Variants in MYO15B observed in about 807,000 individuals in gnomAD.
MYO15B encodes myosin XVB pseudogene.
Under a neutral mutation model 119.3 loss-of-function variants are expected in MYO15B, and 207 were observed. That is an observed-to-expected ratio of 1.73 (90% CI 1.55 to 1.95). MYO15B has a LOEUF of 1.95. Ranked by LOEUF, MYO15B falls within the 30% of genes most tolerant of loss-of-function variation. The probability of loss-of-function intolerance (pLI) is 0.00; values close to 1 mark genes in which losing one functional copy is unlikely to be tolerated. For missense variants in MYO15B, 2,264 were observed against 1,203.1 expected (o/e 1.88, Z -13.04); for synonymous variants, 966 against 498.9 (o/e 1.94, Z -12.48).
At chr17:75,588,802 C>A (rs2056223695) in exon 1 of MYO15B, 2 of 398,434 alleles carry the variant, frequency 5.0e-6, no homozygotes, top group Admixed American at 8.8e-5. Flanking sequence ...GGGGACCGGA[C>A]CTGGACGGGG....
At chr17:75,596,397 A>G in intron 12 of MYO15B, 63 bp from the exon 13 acceptor site, 1 of 686,910 alleles carries the variant, frequency 1.5e-6, no homozygotes, top group Non-Finnish European at 2.7e-6. Context: ...AGAATGAAGG[A>G]AGCCTCTGGG....
rs2075454959 is a variant in MYO15B at position 75,594,602 on chromosome 17, T to G, written c.3105+14T>G. ...AGGAGGGTCACGGTGAGCCCGAGGG[T>G]CCTGGGGAGAGGGGCCTGGCCTGGC... On this transcript the variant is annotated intron_variant, in intron 10 of 63. Coordinates refer to ENST00000645453, the Ensembl canonical transcript of MYO15B. 1.5e-6 allele frequency: 1 copy of G among 685,780 alleles called. No individual in the cohort carries two copies. 42.5% of individuals were successfully genotyped at this position (685,780 alleles called of 1,614,324 possible). A position where few individuals can be genotyped will look rare whatever the true frequency, so the allele number is the denominator to read the frequency against.
At chr17:75,590,332 C>T (rs79794615) in intron 1 of MYO15B, 89 bp downstream of exon 1, 12,024 of 398,708 alleles carry the variant, frequency 0.03, 214 homozygotes, top group Non-Finnish European at 0.042. Flanking sequence ...GCGTGTAGAC[C>T]CTTATTGAAT....
At chr17:75,610,778 T>C in intron 22 of MYO15B, 122 bp from the exon 23 acceptor site, 1 of 678,840 alleles carries the variant, frequency 1.5e-6, no homozygotes, top group Non-Finnish European at 2.7e-6. Context: ...CCTGATCTGT[T>C]CTCACTCCTT....
exon 30 of MYO15B, chr17:75,614,326 C>T (rs761236514): frequency 2.7e-5 from 19 of 702,742 alleles, no homozygotes; most frequent in African/African-American, 1.2e-4. Context: ...GGACCCAGCT[C>T]GCCCCCGCAG....
At chr17:75,625,127 T>C (rs920164942) in exon 60 of MYO15B, 2 of 696,784 alleles carry the variant, frequency 2.9e-6, no homozygotes, top group Admixed American at 2.0e-5. Context: ...GCACAGGTGC[T>C]GTGGGACTAC....
chr17:75,618,537 T>C (rs1191107670), intron 43 of MYO15B, among the ~76,000 whole-genome samples: 1 of 152,182 alleles, frequency 6.6e-6, no homozygotes, highest in Non-Finnish European at 1.5e-5. Flanking sequence ...TAACCCCAGC[T>C]ACTTGGGAGG....
At chr17:75,622,258 A>G (rs1399932288) in intron 53 of MYO15B, among the ~76,000 whole-genome samples, 178 bp downstream of exon 53, 1 of 152,232 alleles carries the variant, frequency 6.6e-6, no homozygotes, top group East Asian at 1.9e-4. Context: ...CAGTGCTTAC[A>G]ATGAGATAAC....
chr17:75,624,270 G>T lies in MYO15B; in HGVS notation c.8367+1G>T. 1 of 702,982 alleles carries T rather than the reference G, an allele frequency of 1.4e-6. No individual in the cohort carries two copies. The highest frequency in any genetic ancestry group is 2.6e-6 in the Non-Finnish European group (1 of 384,972). The allele number at this position is 702,982 out of a possible 1,614,324, so 43.5% of individuals were successfully genotyped here. On this transcript the variant is annotated splice_donor_variant, in intron 56 of 63. Transcript: ENST00000645453. LOFTEE classifies it high-confidence loss of function. The stretch of plus-strand genomic sequence containing the variant: ...ACCGGGTGAAATGAAGGCTTTCCTG[G>T]TACTGGGGGTGGCGGATGGGCATTG...
intron 43 of MYO15B, 45 bp downstream of exon 43, chr17:75,618,230 GC>G (rs1250952205): frequency 1.4e-6 from 1 of 702,130 alleles, no homozygotes; most frequent in Non-Finnish European, 2.6e-6. Flanking sequence ...TGCAGAGACA[GC>G]ATCCTTCGTG....
exon 36 of MYO15B, chr17:75,615,742 T>C (rs820144): frequency 0.37 from 260,361 of 699,632 alleles, 51,525 homozygotes; most frequent in African/African-American, 0.62. Context: ...GAGCAGCAGA[T>C]GCAGCAGCGG....
At chr17:75,598,527 CAAAAAAA>C (rs34267285) in intron 14 of MYO15B, among the ~76,000 whole-genome samples, 1 of 20,630 alleles carries the variant, frequency 4.8e-5, no homozygotes, top group South Asian at 1.6e-3. Context: ...GACTCCATCT[CAAAAAAA>C]AAAAAAAAAA....
At chr17:75,622,409 G>A (rs544231550) in intron 53 of MYO15B, among the ~76,000 whole-genome samples, 1 of 152,180 alleles carries the variant, frequency 6.6e-6, no homozygotes, top group Non-Finnish European at 1.5e-5. Flanking sequence ...GCAGGCAACA[G>A]TTCAGATGTG....
exon 51 of MYO15B, chr17:75,621,367 G>A: frequency 7.1e-6 from 5 of 701,410 alleles, no homozygotes; most frequent in African/African-American, 1.7e-5. Flanking sequence ...TGATGGAGGT[G>A]CCGCAGGAAA....
Position 75,624,815 on chromosome 17 carries a change from G to T in MYO15B, c.8587G>T (p.Val2863Leu), listed in dbSNP as rs190807072. 2.2e-4 allele frequency: 154 copies of T among 702,994 alleles called. 1 individual carries two copies. The highest frequency in any genetic ancestry group is 1.0e-3 in the Admixed American group (52 of 50,010). The allele number at this position is 702,994 out of a possible 1,614,324, so 43.5% of individuals were successfully genotyped here. ...GCAGCCCGCCGAATACCTCAACAGC[G>T]TGGTAGTGGACCAGGACGTGAGCCT... Residue 2863 changes from valine to leucine, a missense_variant, in exon 59 of 64, where the codon GTG becomes TTG. Transcript: ENST00000645453.
At chr17:75,603,360 G>A (rs921702680) in intron 19 of MYO15B, 48 bp downstream of exon 19, 1 of 697,424 alleles carries the variant, frequency 1.4e-6, no homozygotes, top group Non-Finnish European at 2.6e-6. Flanking sequence ...GCCACCGGGA[G>A]TGACTGGCAG....
intron 50 of MYO15B, 72 bp from the exon 51 acceptor site, chr17:75,621,273 T>C: frequency 1.5e-6 from 1 of 663,958 alleles, no homozygotes; most frequent in Non-Finnish European, 2.8e-6. Context: ...CTTAGCACTC[T>C]CCCTGCCTGG....
At position 75,588,179 on chromosome 17, in the gene MYO15B, AC is replaced by A. The variant is rs1348856901; in HGVS notation, c.124del (p.Arg42AlafsTer327). The A allele has an allele frequency of 5.0e-6, 2 of 397,842 alleles. No individual in the cohort carries two copies. The highest frequency in any genetic ancestry group is 8.9e-6 in the Non-Finnish European group (2 of 225,578). The allele number at this position is 397,842 out of a possible 1,614,324, so 24.6% of individuals were successfully genotyped here. A position where few individuals can be genotyped will look rare whatever the true frequency, so the allele number is the denominator to read the frequency against. The stretch of plus-strand genomic sequence containing the variant: ...GCGCCCAGCCGGGAACGCCGTTCCG[AC>A]CGCGGGCAGGCGGACAGGGCGAAAC... On this transcript the variant is annotated frameshift_variant, in exon 1 of 64. Transcript: ENST00000645453. LOFTEE classifies it high-confidence loss of function.
chr17:75,594,805 G>T, intron 11 of MYO15B, 35 bp from the exon 12 acceptor site: 1 of 702,778 alleles, frequency 1.4e-6, no homozygotes, highest in Non-Finnish European at 2.6e-6. Context: ...CCGAGGCACG[G>T]CTCTATGTGG....
Sources: allele counts gnomAD v4.1 joint callset (sites outside exome capture counted in the v4.1 genomes callset), GRCh38; gene constraint gnomAD v4.1.1; transcripts MANE v1.5; gene names NCBI Gene and HGNC (gene_info 2026-07-23, HGNC 2026-07-21).